PRR3: variants seen among roughly 807,000 people sequenced by gnomAD.
PRR3 encodes the protein proline rich 3.
Under a neutral mutation model 22.4 loss-of-function variants are expected in PRR3, and 16 were observed. The observed-to-expected ratio is 0.71, with a 90% CI of 0.48 to 1.09. The LOEUF is 1.09. Among genes scored for constraint, PRR3 ranks in the 50% least tolerant of loss-of-function variants. The pLI is 0.00. For missense variants in PRR3, 224 were observed against 243.4 expected, an observed-to-expected ratio of 0.92 and a Z score of 0.53; for synonymous variants, 87 against 88.6, an observed-to-expected ratio of 0.98 and a Z score of 0.10.
intron 2 of PRR3, 80 bp downstream of exon 2, chr6:30,558,292 T>A: frequency 8.5e-7 from 1 of 1,172,148 alleles, no homozygotes; most frequent in Non-Finnish European, 1.3e-6. Flanking sequence ...AGGAAGGACT[T>A]AAAAATAAAA....
At chr6:30,557,098 T>C, upstream of PRR3, 1 of 702,504 alleles carries the variant, frequency 1.4e-6, no homozygotes, top group South Asian at 1.5e-5. Context: ...AGAGTAATTT[T>C]TTCAAAGCAT....
upstream of PRR3, chr6:30,557,019 C>T (rs963121230): frequency 3.9e-5 from 27 of 689,878 alleles, 1 homozygote; most frequent in Admixed American, 1.8e-4. Context: ...GCCCTCTGGC[C>T]CGAGAGCCTG....
chr6:30,563,373 TA>T lies in PRR3; in HGVS notation c.*879del, dbSNP rs1176535653. On this transcript the variant is annotated 3_prime_UTR_variant, in exon 4 of 4. Transcript: ENST00000376560. ...AAGCCTCCAATGGCTTTATCCTACCTAGATCCCTTCCAGCCCATTTTAATTA... is the reference window on the plus strand; with the variant it reads ...AAGCCTCCAATGGCTTTATCCTACCTGATCCCTTCCAGCCCATTTTAATTA... The T allele has an allele frequency of 6.6e-6, 1 of 152,630 alleles. No individual in the cohort carries two copies. Among genetic ancestry groups the T allele is most frequent in the African/African-American group, 2.4e-5 (1 of 41,450 alleles). The allele number at this position is 152,630 out of a possible 1,614,324, so 9.5% of individuals were successfully genotyped here.
In PRR3 at chr6:30,562,641, T is replaced by C. The variant is rs1800719093; in HGVS notation, c.*146T>C. On this transcript the variant is annotated 3_prime_UTR_variant, in exon 4 of 4. Transcript: ENST00000376560. ...CATCCCATCCACCACTTCCCCCGTG[T>C]GGGGTCCAGAGTGGTGTTGCATCAC... is the stretch of plus-strand genomic sequence containing the variant. 3.2e-6 allele frequency: 2 copies of C among 625,982 alleles called. No homozygotes were observed. The highest frequency in any genetic ancestry group is 5.7e-6 in the Non-Finnish European group (2 of 353,838). The allele number at this position is 625,982 out of a possible 1,614,324, so 38.8% of individuals were successfully genotyped here. A position where few individuals can be genotyped will look rare whatever the true frequency, so the allele number is the denominator to read the frequency against.
intron 1 of PRR3, 45 bp downstream of exon 1, chr6:30,557,495 C>T (rs1800331466): frequency 2.1e-6 from 3 of 1,397,770 alleles, no homozygotes; most frequent in African/African-American, 1.4e-5. Context: ...CAAGCCCGTC[C>T]GGGCAAGGGG....
At chr6:30,558,517 GCTTA>G (rs1188285807) in intron 2 of PRR3, 9 of 388,088 alleles carry the variant, frequency 2.3e-5, no homozygotes, top group Non-Finnish European at 3.8e-5. Context: ...AAGTGGGAGG[GCTTA>G]CTATGAATAT....
chr6:30,559,770 A>AATAGAATT (rs1259569754), intron 2 of PRR3, among the ~76,000 whole-genome samples: 1 of 152,172 alleles, frequency 6.6e-6, no homozygotes, highest in Admixed American at 6.5e-5. Context: ...AAAAATTAAA[A>AATAGAATT]ATAGAATTAC....
chr6:30,557,340 A>G lies in PRR3; in HGVS notation c.-5A>G. The G allele has an allele frequency of 6.2e-7, 1 of 1,611,214 alleles. No individual in the cohort carries two copies. Among genetic ancestry groups the G allele is most frequent in the Non-Finnish European group, 8.5e-7 (1 of 1,178,996 alleles). ...AATCCCGCTGCAGCCATTGCCGCAGACACGATGCCGAAACGAAAGAAGCAG... is the reference window on the plus strand; with the variant it reads ...AATCCCGCTGCAGCCATTGCCGCAGGCACGATGCCGAAACGAAAGAAGCAG... On this transcript the variant is annotated 5_prime_UTR_variant, in exon 1 of 4. Transcript: ENST00000376560.
In PRR3 at chr6:30,561,600, T is replaced by G. The variant is rs1040548761; in HGVS notation, c.170-234T>G. ...TACCTTTGGGGAGGAGGGTGGGTAA[T>G]GGGAAAAGGGGCACAAGGGGAGGAT... On this transcript the variant is annotated intron_variant, in intron 2 of 3. Coordinates refer to ENST00000376560, the MANE Select transcript of PRR3 (RefSeq NM_025263.4). The surrounding 1 kb of genome is among the most constrained non-coding windows in gnomAD (Gnocchi z 4.0). 1.7e-6 allele frequency: 1 copy of G among 600,902 alleles called. No individual in the cohort carries two copies. Among genetic ancestry groups the G allele is most frequent in the African/African-American group, 1.9e-5 (1 of 53,846 alleles). The allele number at this position is 600,902 out of a possible 1,614,324, so 37.2% of individuals were successfully genotyped here.
upstream of PRR3, chr6:30,557,253 G>A: frequency 1.0e-6 from 1 of 977,794 alleles, no homozygotes; most frequent in Non-Finnish European, 1.6e-6. Context: ...CAGCATTGCT[G>A]CCCACCGACC....
At chr6:30,557,915 T>G (rs1255600116) in intron 1 of PRR3, among the ~76,000 whole-genome samples, 1 of 152,198 alleles carries the variant, frequency 6.6e-6, no homozygotes, top group Non-Finnish European at 1.5e-5. Context: ...AAAAAAGTTG[T>G]CAGTATCTTT....
intron 2 of PRR3, chr6:30,558,445 G>A (rs1800404784): frequency 1.8e-6 from 1 of 547,852 alleles, no homozygotes; most frequent in African/African-American, 1.9e-5. Context: ...TAATGTTTTT[G>A]TGGAAATACA....
chr6:30,557,087 AAG>A, upstream of PRR3: 1 of 702,408 alleles, frequency 1.4e-6, no homozygotes, highest in Non-Finnish European at 2.6e-6. Flanking sequence ...GAGGGAAGAA[AAG>A]AGTAATTTTT....
intron 3 of PRR3, 39 bp downstream of exon 3, chr6:30,562,163 A>T: frequency 1.3e-6 from 2 of 1,520,096 alleles, no homozygotes; most frequent in Non-Finnish European, 1.8e-6. Context: ...TCCCAGAGTG[A>T]CCTAATTTTC....
At chr6:30,558,610 A>G (rs1800415013) in intron 2 of PRR3, among the ~76,000 whole-genome samples, 1 of 152,132 alleles carries the variant, frequency 6.6e-6, no homozygotes, top group Non-Finnish European at 1.5e-5. Flanking sequence ...GGATCCTTTG[A>G]GCCCAGGAGT....
In PRR3 at chr6:30,562,681, C is replaced by T. The variant is rs1483825075; in HGVS notation, c.*186C>T. On this transcript the variant is annotated 3_prime_UTR_variant, in exon 4 of 4. Transcript: ENST00000376560. ...TGTTGCATCACTGGTGCGCGGCATA[C>T]GCGCTTTCTTCTGATCCAGCCTGTA... 14 of 534,200 alleles carry T rather than the reference C, an allele frequency of 2.6e-5. No individual in the cohort carries two copies. Among genetic ancestry groups the T allele is most frequent in the Non-Finnish European group, 3.6e-5 (11 of 301,460 alleles). The allele number at this position is 534,200 out of a possible 1,614,324, so 33.1% of individuals were successfully genotyped here. A position where few individuals can be genotyped will look rare whatever the true frequency, so the allele number is the denominator to read the frequency against.
Position 30,561,475 on chromosome 6 carries a change from A to G in PRR3, c.170-359A>G, listed in dbSNP as rs138992748. 7.7e-3 allele frequency: 4,015 copies of G among 520,232 alleles called. 20 individuals carry two copies. Among genetic ancestry groups the G allele is most frequent in the Middle Eastern group, 0.031 (106 of 3,412 alleles). The allele number at this position is 520,232 out of a possible 1,614,324, so 32.2% of individuals were successfully genotyped here. The stretch of plus-strand genomic sequence containing the variant: ...GATGAATCTCACAAACATGATGTTG[A>G]GCGAAAGGAGCCAGACATAAAAGAA... On this transcript the variant is annotated intron_variant, in intron 2 of 3. Coordinates refer to ENST00000376560, the MANE Select transcript of PRR3 (RefSeq NM_025263.4). This position sits in a 1 kb window ranked among gnomAD's most constrained non-coding sequence, Gnocchi z 4.0.
rs1398903400 is a variant in PRR3, at chr6:30,558,399, TA to T, written c.169+190del. On this transcript the variant is annotated intron_variant, in intron 2 of 3. Transcript: ENST00000376560. ...AAAATGTCACTTCTTCCCAAATTGA[TA>T]AACAGATTTCATGCATTCCAAGTCA... 2.1e-5 allele frequency: 12 copies of T among 584,816 alleles called. No individual in the cohort carries two copies. The Admixed American group carries it at 2.1e-4, about 10-fold the overall frequency. The allele number at this position is 584,816 out of a possible 1,614,324, so 36.2% of individuals were successfully genotyped here.
At chr6:30,559,408 A>G (rs576135378) in intron 2 of PRR3, among the ~76,000 whole-genome samples, 62 of 152,288 alleles carry the variant, frequency 4.1e-4, no homozygotes, top group Admixed American at 1.2e-3. Flanking sequence ...AAACTTGCCA[A>G]ATAATACCAT....
Sources: allele counts gnomAD v4.1 joint callset (sites outside exome capture counted in the v4.1 genomes callset), GRCh38; gene constraint gnomAD v4.1.1; non-coding constraint Gnocchi (gnomAD v3.1); transcripts MANE v1.5; gene names NCBI Gene and HGNC (gene_info 2026-07-23, HGNC 2026-07-21).